The following ETNK1 variants were observed in gnomAD, a reference collection of about 807,000 sequenced individuals.
ETNK1 encodes ethanolamine kinase 1.
Under a neutral mutation model 45.1 loss-of-function variants are expected in ETNK1, and 8 were observed. The ratio of observed to expected loss-of-function variants is 0.18; its 90% CI spans 0.10 to 0.32. The LOEUF is 0.32. Among genes scored for constraint, ETNK1 ranks in the 10% least tolerant of loss-of-function variants. The probability of loss-of-function intolerance (pLI) is 1.00; values close to 1 mark genes in which losing one functional copy is unlikely to be tolerated. For synonymous variants in ETNK1, 152 were observed against 151.9 expected (o/e 1.00, Z -0.01); for missense variants, 302 against 430.6 (o/e 0.70, Z 2.64).
At chr12:22,660,034 T>TAAAAAAAAAAAA (rs371874842) in intron 3 of ETNK1, among the ~76,000 whole-genome samples, 1 of 122,578 alleles carries the variant, frequency 8.2e-6, no homozygotes. Flanking sequence ...ACACTACCTT[T>TAAAAAAAAAAAA]AAAAAAAAAA....
chr12:22,652,435 T>C (rs1460356539), intron 2 of ETNK1, among the ~76,000 whole-genome samples: 1 of 152,210 alleles, frequency 6.6e-6, no homozygotes, highest in Non-Finnish European at 1.5e-5. Flanking sequence ...ACCACCATAC[T>C]GTTTTCTGTA....
At chr12:22,634,244 AT>A (rs1953624258) in intron 1 of ETNK1, among the ~76,000 whole-genome samples, 1 of 152,038 alleles carries the variant, frequency 6.6e-6, no homozygotes, top group Non-Finnish European at 1.5e-5. Context: ...AATTACTTTG[AT>A]TGAAAAAAAA....
intron 2 of ETNK1, chr12:22,656,344 A>G (rs933425966): frequency 2.1e-6 from 2 of 940,772 alleles, no homozygotes; most frequent in Admixed American, 6.2e-5. Context: ...TGAGGCAGCA[A>G]AAGTATTATA....
At chr12:22,664,839 A>G (rs897218325) in intron 4 of ETNK1, among the ~76,000 whole-genome samples, 2 of 152,136 alleles carry the variant, frequency 1.3e-5, no homozygotes, top group African/African-American at 4.8e-5. Flanking sequence ...ACTTTGAGAT[A>G]CCAATAGATA....
At position 22,655,328 on chromosome 12, in the gene ETNK1, GTTTT is replaced by G. The variant is rs10586779; in HGVS notation, c.417-3665_417-3662del. ...TCTATAGGATATTTGGGGTTTGTTT[GTTTT>G]TTTTTTTTTTTTTTTTTTTTCGAGA... is the stretch of plus-strand genomic sequence containing the variant. On this transcript the variant is annotated intron_variant, in intron 2 of 7. Transcript: ENST00000266517. Among the ~76,000 whole-genome samples the G allele has an allele frequency of 7.2e-3, 889 of 122,644 alleles. 13 individuals carry two copies. The highest frequency in any genetic ancestry group is 0.071 in the East Asian group (321 of 4,542). 80.5% of individuals were successfully genotyped at this position (122,644 alleles called of 152,430 possible). A position where few individuals can be genotyped will look rare whatever the true frequency, so the allele number is the denominator to read the frequency against.
chr12:22,689,345 C>T lies in ETNK1; in HGVS notation c.*4391C>T, dbSNP rs1954285173. On this transcript the variant is annotated 3_prime_UTR_variant, in exon 8 of 8. Transcript: ENST00000266517. ...TTCTTTCTCTTCTATACTTTATGCACTTACTATACTACTGATGTAATAAAA... is the reference window on the plus strand; with the variant it reads ...TTCTTTCTCTTCTATACTTTATGCATTTACTATACTACTGATGTAATAAAA... The T allele has an allele frequency of 6.6e-6, 1 of 151,898 alleles. No homozygotes were observed. The highest frequency in any genetic ancestry group is 1.5e-5 in the Non-Finnish European group (1 of 67,824). The allele number at this position is 151,898 out of a possible 1,614,324, so 9.4% of individuals were successfully genotyped here.
chr12:22,625,727 A>T, intron 1 of ETNK1, 141 bp downstream of exon 1: 1 of 1,247,026 alleles, frequency 8.0e-7, no homozygotes. Context: ...GTGACCCTGT[A>T]TTTCCCCTCA....
chr12:22,678,328 A>G (rs1207054311), intron 6 of ETNK1, among the ~76,000 whole-genome samples: 5 of 152,226 alleles, frequency 3.3e-5, no homozygotes, highest in Non-Finnish European at 7.3e-5. Flanking sequence ...AGGCTTACCA[A>G]TCATGACATA....
intron 1 of ETNK1, among the ~76,000 whole-genome samples, chr12:22,636,312 G>A (rs1306666428): frequency 6.6e-6 from 1 of 152,022 alleles, no homozygotes; most frequent in African/African-American, 2.4e-5. Flanking sequence ...GAAAAAAATA[G>A]TGTCATCTAT....
chr12:22,666,466 A>T (rs1346455414), intron 4 of ETNK1, among the ~76,000 whole-genome samples: 1 of 152,180 alleles, frequency 6.6e-6, no homozygotes, highest in Non-Finnish European at 1.5e-5. Flanking sequence ...TTTTAATTTC[A>T]ACTAATCATT....
chr12:22,625,251 C>T lies in ETNK1; in HGVS notation c.-180C>T, dbSNP rs150714252. ...GCTCAGTTCAGCTGCTGTCCAGACC[C>T]GGATCGGCAACAGTGCCGCCTCCAG... On this transcript the variant is annotated 5_prime_UTR_variant, in exon 1 of 8. Coordinates refer to ENST00000266517, the MANE Select transcript of ETNK1 (RefSeq NM_018638.5). The T allele has an allele frequency of 2.6e-4, 421 of 1,611,758 alleles. No individual in the cohort carries two copies. The highest frequency in any genetic ancestry group is 9.7e-4 in the Admixed American group (58 of 59,948).
intron 1 of ETNK1, among the ~76,000 whole-genome samples, chr12:22,636,146 A>G (rs1235695724): frequency 1.3e-5 from 2 of 152,180 alleles, no homozygotes; most frequent in African/African-American, 4.8e-5. Flanking sequence ...CTGGGTGAAC[A>G]GAGTGGGACC....
chr12:22,636,284 A>C (rs1431744108), intron 1 of ETNK1, among the ~76,000 whole-genome samples: 1 of 151,806 alleles, frequency 6.6e-6, no homozygotes, highest in East Asian at 1.9e-4. Flanking sequence ...TTCTCTGCTA[A>C]AAAAAAATGA....
chr12:22,685,091 A>G lies in ETNK1; in HGVS notation c.*137A>G. Reference sequence around the variant, plus strand: ...GCTTTATAAATTATGCCTCTAAACAATCAAATCTATTTTTGAAATAGACTG... The same window carrying G: ...GCTTTATAAATTATGCCTCTAAACAGTCAAATCTATTTTTGAAATAGACTG... On this transcript the variant is annotated 3_prime_UTR_variant, in exon 8 of 8. Coordinates refer to ENST00000266517, the MANE Select transcript of ETNK1 (RefSeq NM_018638.5). 1.7e-6 allele frequency: 1 copy of G among 578,790 alleles called. No individual in the cohort carries two copies. The allele number at this position is 578,790 out of a possible 1,614,324, so 35.9% of individuals were successfully genotyped here.
chr12:22,670,601 G>A (rs1011242915), intron 4 of ETNK1, among the ~76,000 whole-genome samples: 9 of 152,138 alleles, frequency 5.9e-5, no homozygotes, highest in Non-Finnish European at 1.3e-4. Flanking sequence ...AATTTCTCAC[G>A]TTTATAAACG....
chr12:22,634,248 A>G (rs1953624295), intron 1 of ETNK1, among the ~76,000 whole-genome samples: 1 of 151,922 alleles, frequency 6.6e-6, no homozygotes, highest in Non-Finnish European at 1.5e-5. Flanking sequence ...ACTTTGATTG[A>G]AAAAAAATTT....
chr12:22,683,394 T>C (rs1954231711), intron 6 of ETNK1, among the ~76,000 whole-genome samples: 1 of 152,066 alleles, frequency 6.6e-6, no homozygotes, highest in African/African-American at 2.4e-5. Context: ...TAGTTAGTGG[T>C]ATTTTTTTGA....
intron 6 of ETNK1, among the ~76,000 whole-genome samples, chr12:22,681,643 T>C (rs1021034479): frequency 2.0e-5 from 3 of 151,888 alleles, no homozygotes; most frequent in African/African-American, 4.8e-5. Flanking sequence ...TATATATATA[T>C]TTAAAATAAA....
rs35611431 is a variant in ETNK1, at chr12:22,651,682, C to CT, written c.417-7312dup. Among the ~76,000 whole-genome samples the CT allele has an allele frequency of 9.2e-3, 1,200 of 131,014 alleles. 10 individuals are homozygous for CT. The highest frequency in any genetic ancestry group is 0.021 in the East Asian group (96 of 4,594). 86.0% of individuals were successfully genotyped at this position (131,014 alleles called of 152,430 possible). ...ATAATGTAAAACTACAATTCTATCC[C>CT]TTTTTTTTTTTTTTTTTTTTGAGAC... On this transcript the variant is annotated intron_variant, in intron 2 of 7. Transcript: ENST00000266517.
Sources: allele counts gnomAD v4.1 joint callset (sites outside exome capture counted in the v4.1 genomes callset), GRCh38; gene constraint gnomAD v4.1.1; transcripts MANE v1.5; gene names NCBI Gene and HGNC (gene_info 2026-07-23, HGNC 2026-07-21).